The following MARK3 variants were observed in gnomAD, a reference collection of about 807,000 sequenced individuals.
MARK3 encodes the protein MAP/microtubule affinity-regulating kinase 3.
Under a neutral mutation model 90.1 loss-of-function variants are expected in MARK3, and 46 were observed. That is an observed-to-expected ratio of 0.51 (90% CI 0.40 to 0.65). MARK3 has a LOEUF of 0.65. Ranked by LOEUF, MARK3 falls within the 30% of genes least tolerant of loss-of-function variation. The pLI is 0.00. For synonymous variants in MARK3, 321 were observed against 332.6 expected, an observed-to-expected ratio of 0.97 and a Z score of 0.38; for missense variants, 818 against 947.2, an observed-to-expected ratio of 0.86 and a Z score of 1.79.
At chr14:103,398,689 T>C (rs1163493716) in intron 1 of MARK3, among the ~76,000 whole-genome samples, 1 of 152,204 alleles carries the variant, frequency 6.6e-6, no homozygotes, top group African/African-American at 2.4e-5. Context: ...TTTTAAATTA[T>C]AAATTGTTCA....
intron 17 of MARK3, among the ~76,000 whole-genome samples, chr14:103,502,391 A>G (rs1452668533): frequency 6.6e-6 from 1 of 152,250 alleles, no homozygotes; most frequent in Non-Finnish European, 1.5e-5. Flanking sequence ...CTGTACAGCA[A>G]AGCAATTTTA....
chr14:103,427,747 G>T (rs570750890), intron 2 of MARK3, among the ~76,000 whole-genome samples: 2 of 152,294 alleles, frequency 1.3e-5, no homozygotes, highest in South Asian at 4.1e-4. Flanking sequence ...GGTGGTGGGA[G>T]TGTCTTTTAG....
intron 11 of MARK3, 85 bp downstream of exon 11, chr14:103,467,276 T>C: frequency 1.6e-6 from 1 of 623,540 alleles, no homozygotes; most frequent in African/African-American, 1.9e-5. Flanking sequence ...ATCTTTTGAA[T>C]ATTTGTAACA....
intron 5 of MARK3, among the ~76,000 whole-genome samples, chr14:103,456,290 G>A (rs963803936): frequency 4.6e-5 from 7 of 152,056 alleles, no homozygotes; most frequent in East Asian, 1.9e-4. Context: ...CCTCTTCCCC[G>A]CTAGCAGCCA....
intron 4 of MARK3, among the ~76,000 whole-genome samples, chr14:103,449,290 A>G (rs1169102716): frequency 6.6e-6 from 1 of 151,722 alleles, no homozygotes; most frequent in East Asian, 1.9e-4. Flanking sequence ...AATATTTTCA[A>G]AGGGGCTGGG....
Position 103,421,698 on chromosome 14 carries a change from C to T in MARK3, c.244-6689C>T, listed in dbSNP as rs149617652. ...CCCTGCTACATGTTCCACTGTACTG[C>T]TGTCAGATTTTTATCTCCCAGAAAT... On this transcript the variant is annotated intron_variant, in intron 2 of 17. Transcript: ENST00000429436. 3.2e-4 allele frequency among the ~76,000 whole-genome samples: 48 copies of T among 152,306 alleles called. No homozygotes were observed. In the East Asian group the frequency reaches 8.9e-3, roughly 28 times the overall value.
At position 103,470,453 on chromosome 14, in the gene MARK3, C is replaced by CTTTTTTTTTTTTTT. The variant is rs1555396272; in HGVS notation, c.1264+2268_1264+2269insTTTTTTTTTTTTTT. The stretch of plus-strand genomic sequence containing the variant: ...CTATTCCAGGATTCAGGAACTAAAT[C>CTTTTTTTTTTTTTT]TATTTTTTTTTTTTTTTTTGAGATG... On this transcript the variant is annotated intron_variant, in intron 12 of 17. Coordinates refer to ENST00000429436, the MANE Select transcript of MARK3 (RefSeq NM_001128918.3). 6.0e-3 allele frequency among the ~76,000 whole-genome samples: 146 copies of CTTTTTTTTTTTTTT among 24,142 alleles called. 6 individuals are homozygous for CTTTTTTTTTTTTTT. Among genetic ancestry groups the CTTTTTTTTTTTTTT allele is most frequent in the Middle Eastern group, 0.026 (1 of 38 alleles). The allele number at this position is 24,142 out of a possible 152,430, so 15.8% of individuals were successfully genotyped here.
At chr14:103,496,791 A>G (rs972438977) in intron 15 of MARK3, among the ~76,000 whole-genome samples, 1 of 152,146 alleles carries the variant, frequency 6.6e-6, no homozygotes, top group African/African-American at 2.4e-5. Context: ...TAATCCTGAC[A>G]CTTTGGGGGA....
At chr14:103,412,243 A>T (rs2091685137) in intron 2 of MARK3, 4 of 746,756 alleles carry the variant, frequency 5.4e-6, no homozygotes, top group Non-Finnish European at 9.1e-6. Context: ...GCACAAGCTC[A>T]TCGTCTGTCA....
intron 15 of MARK3, among the ~76,000 whole-genome samples, chr14:103,492,963 TG>T (rs1678226347): frequency 1.3e-5 from 2 of 152,200 alleles, no homozygotes; most frequent in South Asian, 4.1e-4. Flanking sequence ...AGTCTGTCTG[TG>T]GTATCTTGCA....
chr14:103,410,124 T>C (rs2091544227), intron 2 of MARK3, among the ~76,000 whole-genome samples: 1 of 152,222 alleles, frequency 6.6e-6, no homozygotes, highest in Admixed American at 6.5e-5. Flanking sequence ...TCAATCTGTT[T>C]TTGCTGCTGT....
At chr14:103,438,578 C>T (rs2092773596) in intron 3 of MARK3, among the ~76,000 whole-genome samples, 1 of 152,170 alleles carries the variant, frequency 6.6e-6, no homozygotes, top group Non-Finnish European at 1.5e-5. Context: ...GTACCAAATT[C>T]ATTTTAACAC....
intron 14 of MARK3, chr14:103,491,378 A>G (rs1419510089): frequency 4.8e-6 from 1 of 208,696 alleles, no homozygotes; most frequent in African/African-American, 2.4e-5. Context: ...TCATTTGTTT[A>G]CTTCCAAAAC....
intron 16 of MARK3, chr14:103,499,256 C>G (rs2075520522): frequency 6.6e-6 from 1 of 152,058 alleles, no homozygotes; most frequent in Non-Finnish European, 1.5e-5. Context: ...CCCAGGAGTT[C>G]AAGACCATCC....
chr14:103,483,626 G>A (rs1409061641), intron 14 of MARK3, among the ~76,000 whole-genome samples: 1 of 152,216 alleles, frequency 6.6e-6, no homozygotes, highest in Non-Finnish European at 1.5e-5. Context: ...TAATGACACA[G>A]GGAGCATAGG....
In MARK3 at chr14:103,466,359, G is replaced by A. The variant is rs1211526313; in HGVS notation, c.914G>A (p.Arg305Lys). Residue 305 changes from arginine (R) to lysine (K), a missense_variant, in exon 10 of 18, where the codon AGG becomes AAG. Arg to Lys is a conservative substitution (Grantham distance 26). Around this residue, in one of 3 missense-constraint regions of MARK3, gnomAD observed 560 missense variants for 613.5 expected, o/e 0.91. Transcript: ENST00000429436. ...CTTTTTTAGCAAATCATGAAGGACAGGTGGATCAATGCAGGGCATGAAGAA... is the reference window on the plus strand; with the variant it reads ...CTTTTTTAGCAAATCATGAAGGACAAGTGGATCAATGCAGGGCATGAAGAA... ...RGTLEQIMKDRWINAGHEEDE... is the reference protein window; with the variant it reads ...RGTLEQIMKDKWINAGHEEDE... 1.2e-6 allele frequency: 2 copies of A among 1,613,046 alleles called. No homozygotes were observed. Among genetic ancestry groups the A allele is most frequent in the East Asian group, 4.5e-5 (2 of 44,864 alleles).
At chr14:103,450,916 GTATTC>G (rs2093126957) in intron 4 of MARK3, among the ~76,000 whole-genome samples, 4 of 58,128 alleles carry the variant, frequency 6.9e-5, no homozygotes, top group African/African-American at 2.4e-4. Flanking sequence ...GTGTGTGTGT[GTATTC>G]TTTTTTTTTT....
rs1201656692 is a variant in MARK3 at position 103,494,528 on chromosome 14, C to G, written c.1844+2494C>G. Among the ~76,000 whole-genome samples the G allele has an allele frequency of 4.3e-5, 4 of 92,386 alleles. No individual in the cohort carries two copies. The East Asian group carries it at 1.3e-3, about 29-fold the overall frequency. The allele number at this position is 92,386 out of a possible 152,430, so 60.6% of individuals were successfully genotyped here. On this transcript the variant is annotated intron_variant, in intron 15 of 17. Transcript: ENST00000429436. The stretch of plus-strand genomic sequence containing the variant: ...CATTGCACTCCAGCCTGGGCAACAA[C>G]AGTGAAACTCTGTCTCAAAAAAAAA...
At chr14:103,490,961 A>T (rs2094005646) in intron 14 of MARK3, 1 of 1,273,370 alleles carries the variant, frequency 7.9e-7, no homozygotes, top group African/African-American at 1.5e-5. Context: ...GCCTGACAGA[A>T]ATGTTCGCTT....
Sources: gnomAD v4.1 joint callset for allele counts (sites outside exome capture counted in the v4.1 genomes callset) on GRCh38, gnomAD v4.1.1 for gene constraint, gnomAD v4.1.1 regional missense constraint, MANE v1.5 for transcripts, NCBI Gene and HGNC (gene_info 2026-07-23, HGNC 2026-07-21) for gene names.